The following ACER2 variants were observed in gnomAD, a reference collection of about 807,000 sequenced individuals.
The protein encoded by ACER2 is alkCDase 2.
In ACER2, 26 loss-of-function variants were observed where a neutral mutation model predicts 34.7. The ratio of observed to expected loss-of-function variants is 0.75; its 90% CI spans 0.55 to 1.04. The LOEUF is 1.04. ACER2 is among the 50% of genes least tolerant of loss of function. The pLI is 0.00. For synonymous variants in ACER2, 138 were observed against 132.1 expected, an observed-to-expected ratio of 1.04 and a Z score of -0.31; for missense variants, 352 against 340.8, an observed-to-expected ratio of 1.03 and a Z score of -0.26.
chr9:19,422,908 T>C (rs1279953389), intron 1 of ACER2, among the ~76,000 whole-genome samples: 1 of 151,660 alleles, frequency 6.6e-6, no homozygotes, highest in Non-Finnish European at 1.5e-5. Context: ...GGTGAGCGCC[T>C]GTAATCCCAA....
intron 3 of ACER2, among the ~76,000 whole-genome samples, chr9:19,433,014 C>G (rs1277624575): frequency 6.6e-6 from 1 of 151,988 alleles, no homozygotes. Flanking sequence ...AAACAGCTAT[C>G]CATATCTCAC....
At chr9:19,440,421 G>T (rs1831118629) in intron 4 of ACER2, among the ~76,000 whole-genome samples, 1 of 152,128 alleles carries the variant, frequency 6.6e-6, no homozygotes, top group Admixed American at 6.6e-5. Flanking sequence ...CTTTTGGAAG[G>T]TGTTTAAGTC....
intron 3 of ACER2, among the ~76,000 whole-genome samples, chr9:19,429,774 G>A (rs1188761998): frequency 6.6e-6 from 1 of 152,192 alleles, no homozygotes; most frequent in African/African-American, 2.4e-5. Flanking sequence ...TCCTGGATGA[G>A]TTGAGGCTGG....
chr9:19,436,841 C>G (rs1039799936), intron 4 of ACER2, among the ~76,000 whole-genome samples: 12 of 152,180 alleles, frequency 7.9e-5, no homozygotes, highest in African/African-American at 2.2e-4. Context: ...TACATTATTT[C>G]CTTAGGCTGT....
chr9:19,415,033 A>G (rs1235332891), intron 1 of ACER2, among the ~76,000 whole-genome samples: 1 of 151,968 alleles, frequency 6.6e-6, no homozygotes, highest in Non-Finnish European at 1.5e-5. Flanking sequence ...GTCTCCCACT[A>G]ATTTGTTCTT....
chr9:19,440,378 A>G (rs1166120728), intron 4 of ACER2, among the ~76,000 whole-genome samples: 8 of 152,156 alleles, frequency 5.3e-5, no homozygotes, highest in Admixed American at 4.6e-4. Flanking sequence ...TTGAAATACT[A>G]ATTAATAAGG....
At chr9:19,435,125 G>A in intron 4 of ACER2, 41 bp downstream of exon 4, 1 of 1,609,888 alleles carries the variant, frequency 6.2e-7, no homozygotes, top group Middle Eastern at 1.7e-4. Flanking sequence ...CTGTCCCCGT[G>A]CTGGGAACAC....
At chr9:19,441,329 A>G (rs558356502) in intron 4 of ACER2, among the ~76,000 whole-genome samples, 80 of 152,286 alleles carry the variant, frequency 5.3e-4, no homozygotes, top group South Asian at 2.5e-3. Context: ...GATTACAGGC[A>G]TGAGCCACAT....
intron 3 of ACER2, among the ~76,000 whole-genome samples, 197 bp from the exon 4 acceptor site, chr9:19,434,750 G>C (rs573758788): frequency 6.7e-6 from 1 of 148,510 alleles, no homozygotes; most frequent in African/African-American, 2.6e-5. Context: ...CTCGGCATGA[G>C]AGGGAGACCC....
At chr9:19,443,357 G>A (rs1831222825) in intron 4 of ACER2, among the ~76,000 whole-genome samples, 1 of 151,952 alleles carries the variant, frequency 6.6e-6, no homozygotes, top group African/African-American at 2.4e-5. Flanking sequence ...TAGTAGATAC[G>A]GGGTTTCACC....
At chr9:19,450,163 A>C (rs1263670667) in intron 5 of ACER2, 1 of 981,186 alleles carries the variant, frequency 1.0e-6, no homozygotes, top group African/African-American at 1.8e-5. Flanking sequence ...CTTGGGCCTC[A>C]GTCTTCTTGT....
At chr9:19,415,788 A>G (rs1474162113) in intron 1 of ACER2, among the ~76,000 whole-genome samples, 1 of 152,094 alleles carries the variant, frequency 6.6e-6, no homozygotes, top group Non-Finnish European at 1.5e-5. Flanking sequence ...AATGCATTAT[A>G]TTTCTCAACA....
chr9:19,425,870 G>A (rs927776819), intron 3 of ACER2, among the ~76,000 whole-genome samples: 9 of 152,198 alleles, frequency 5.9e-5, no homozygotes, highest in Non-Finnish European at 1.3e-4. Context: ...CAAACGGTAT[G>A]TGCCCATGGA....
In ACER2 at chr9:19,439,344, C is replaced by CTTTTTTTTTTTTT. The variant is rs55690063; in HGVS notation, c.503+4261_503+4273dup. The stretch of plus-strand genomic sequence containing the variant: ...GCTGCTCCCTCTCTAAAGGGGCTTG[C>CTTTTTTTTTTTTT]TTTTTTTTTTTTTGGAGACGTAGTC... On this transcript the variant is annotated intron_variant, in intron 4 of 5. Coordinates refer to ENST00000340967, the MANE Select transcript of ACER2 (RefSeq NM_001010887.3). Among the ~76,000 whole-genome samples, 122 of 138,720 alleles carry CTTTTTTTTTTTTT rather than the reference C, an allele frequency of 8.8e-4. 1 individual carries two copies. The highest frequency in any genetic ancestry group is 2.9e-3 in the African/African-American group (111 of 37,684). The allele number at this position is 138,720 out of a possible 152,430, so 91.0% of individuals were successfully genotyped here.
chr9:19,427,099 G>T (rs544032268), intron 3 of ACER2, among the ~76,000 whole-genome samples: 4 of 152,262 alleles, frequency 2.6e-5, no homozygotes, highest in Admixed American at 1.3e-4. Flanking sequence ...CTTGCAGACT[G>T]TATGACTTGT....
chr9:19,436,342 TGTAG>T, intron 4 of ACER2, among the ~76,000 whole-genome samples: 1 of 152,316 alleles, frequency 6.6e-6, no homozygotes, highest in African/African-American at 2.4e-5. Flanking sequence ...CATATTTTTT[TGTAG>T]ATAAATTGGA....
intron 3 of ACER2, among the ~76,000 whole-genome samples, chr9:19,434,373 C>T (rs1268424066): frequency 2.6e-5 from 4 of 152,170 alleles, no homozygotes; most frequent in Non-Finnish European, 5.9e-5. Flanking sequence ...GACGGGGTGG[C>T]GGCCGGGCAG....
chr9:19,450,882 G>T lies in ACER2; in HGVS notation c.*246G>T, dbSNP rs943936756. 7.3e-5 allele frequency: 24 copies of T among 327,688 alleles called. No individual in the cohort carries two copies. The highest frequency in any genetic ancestry group is 1.0e-4 in the Non-Finnish European group (19 of 181,330). The allele number at this position is 327,688 out of a possible 1,614,324, so 20.3% of individuals were successfully genotyped here. ...TCTTTCAGTATGTTAATATTTTTGTGCCATACTGGTTTTAAACTTTCATGT... is the reference window on the plus strand; with the variant it reads ...TCTTTCAGTATGTTAATATTTTTGTTCCATACTGGTTTTAAACTTTCATGT... On this transcript the variant is annotated 3_prime_UTR_variant, in exon 6 of 6. Transcript: ENST00000340967.
At chr9:19,410,833 A>C (rs1159796983) in intron 1 of ACER2, among the ~76,000 whole-genome samples, 1 of 152,220 alleles carries the variant, frequency 6.6e-6, no homozygotes, top group Non-Finnish European at 1.5e-5. Flanking sequence ...GGGCTGGAGT[A>C]GTTCTGGGTA....
Sources: allele counts gnomAD v4.1 joint callset (sites outside exome capture counted in the v4.1 genomes callset), GRCh38; gene constraint gnomAD v4.1.1; transcripts MANE v1.5; gene names NCBI Gene and HGNC (gene_info 2026-07-23, HGNC 2026-07-21).